The following RAP1GAP2 variants were observed in gnomAD, a reference collection of about 807,000 sequenced individuals.
The protein encoded by RAP1GAP2 is rap1 GTPase-activating protein 2.
Under a neutral mutation model 95.0 loss-of-function variants are expected in RAP1GAP2, and 27 were observed. The observed-to-expected ratio is 0.28, with a 90% confidence interval of 0.21 to 0.39. The LOEUF (loss-of-function observed/expected upper bound fraction) is 0.39, where lower values mean the gene tolerates loss of function less well. Among genes scored for constraint, RAP1GAP2 ranks in the 10% least tolerant of loss-of-function variants. The probability of loss-of-function intolerance (pLI) is 1.00; values close to 1 mark genes in which losing one functional copy is unlikely to be tolerated. For missense variants in RAP1GAP2, 771 were observed against 970.0 expected, an observed-to-expected ratio of 0.79 and a Z score of 2.72; for synonymous variants, 373 against 380.9, an observed-to-expected ratio of 0.98 and a Z score of 0.24.
At chr17:2,932,859 G>T (rs2043200639) in intron 3 of RAP1GAP2, among the ~76,000 whole-genome samples, 1 of 147,754 alleles carries the variant, frequency 6.8e-6, no homozygotes, top group African/African-American at 2.5e-5. Context: ...GGGACCACGG[G>T]CAGGGTATGG....
rs964201106 is a variant in RAP1GAP2 at position 2,995,316 on chromosome 17, C to A, written c.915-21C>A. 3 of 1,611,782 alleles carry A rather than the reference C, an allele frequency of 1.9e-6. No individual in the cohort carries two copies. In the African/African-American group the frequency reaches 4.0e-5, roughly 21 times the overall value. ...GCCTCACTCTCTTTTCTCCCCATCTCCTGCCCTGTTTTGTTGACAGTTTCC... is the reference window on the plus strand; with the variant it reads ...GCCTCACTCTCTTTTCTCCCCATCTACTGCCCTGTTTTGTTGACAGTTTCC... On this transcript the variant is annotated intron_variant, in intron 12 of 24. Transcript: ENST00000254695.
intron 3 of RAP1GAP2, among the ~76,000 whole-genome samples, chr17:2,942,200 C>T (rs938787188): frequency 6.6e-6 from 1 of 152,150 alleles, no homozygotes; most frequent in African/African-American, 2.4e-5. Flanking sequence ...CTCCAGGCCT[C>T]CCTCCCCGAG....
At chr17:2,988,869 G>A (rs1000358648) in intron 11 of RAP1GAP2, among the ~76,000 whole-genome samples, 7 of 152,276 alleles carry the variant, frequency 4.6e-5, no homozygotes, top group Admixed American at 4.6e-4. Flanking sequence ...AGACCATCCT[G>A]GCTAACACGG....
At chr17:2,921,461 C>G (rs183495756) in intron 3 of RAP1GAP2, among the ~76,000 whole-genome samples, 5 of 152,212 alleles carry the variant, frequency 3.3e-5, no homozygotes, top group South Asian at 2.1e-4. Flanking sequence ...CCTCAGCCCC[C>G]CAAAGTCCTG....
chr17:3,018,253 G>C (rs981132767), intron 18 of RAP1GAP2, 55 bp downstream of exon 18: 21 of 1,509,886 alleles, frequency 1.4e-5, no homozygotes, highest in Non-Finnish European at 1.8e-5. Context: ...GCCCCCCCCA[G>C]ACCTATGGAG....
intron 3 of RAP1GAP2, among the ~76,000 whole-genome samples, chr17:2,955,776 G>C (rs1311251526): frequency 4.6e-5 from 7 of 151,934 alleles, no homozygotes; most frequent in Non-Finnish European, 1.0e-4. Context: ...TGTTTTTCAG[G>C]GAATTTGTTC....
intron 2 of RAP1GAP2, among the ~76,000 whole-genome samples, chr17:2,877,036 G>A (rs2073125284): frequency 2.6e-5 from 4 of 151,856 alleles, no homozygotes; most frequent in Non-Finnish European, 2.9e-5. Context: ...CTACAGGCAT[G>A]CGCTGCCACA....
chr17:2,928,798 T>C (rs4790102), intron 3 of RAP1GAP2, among the ~76,000 whole-genome samples: 81,468 of 151,548 alleles, frequency 0.54, 22,813 homozygotes, highest in Non-Finnish European at 0.61. Flanking sequence ...GGTCGTCAGC[T>C]GTTGTGAGGG....
intron 3 of RAP1GAP2, among the ~76,000 whole-genome samples, chr17:2,914,020 A>G (rs9892664): frequency 0.092 from 13,938 of 151,948 alleles, 1,298 homozygotes; most frequent in East Asian, 0.3. Flanking sequence ...ACAGGTGCCC[A>G]CTACCACTCC....
In RAP1GAP2 at chr17:3,005,014, C is replaced by G. The variant is rs2046290007; in HGVS notation, c.1201-355C>G. ...TTTCCTCATCAGGGAGAACAGTTCTCCCTGTGCCTTCTCAGTAGGATTAGC... is the reference window on the plus strand; with the variant it reads ...TTTCCTCATCAGGGAGAACAGTTCTGCCTGTGCCTTCTCAGTAGGATTAGC... On this transcript the variant is annotated intron_variant, in intron 14 of 24. Coordinates refer to ENST00000254695, the MANE Select transcript of RAP1GAP2 (RefSeq NM_015085.5). The surrounding 1 kb of genome is among the most constrained non-coding windows in gnomAD (Gnocchi z 5.2). 6.6e-6 allele frequency among the ~76,000 whole-genome samples: 1 copy of G among 152,068 alleles called. No homozygotes were observed. Among genetic ancestry groups the G allele is most frequent in the African/African-American group, 2.4e-5 (1 of 41,402 alleles).
At chr17:2,942,045 G>T (rs114899340) in intron 3 of RAP1GAP2, among the ~76,000 whole-genome samples, 8 of 152,152 alleles carry the variant, frequency 5.3e-5, no homozygotes, top group South Asian at 4.2e-4. Flanking sequence ...ATGAATGAGA[G>T]TTCCTGTTTT....
intron 2 of RAP1GAP2, among the ~76,000 whole-genome samples, chr17:2,856,665 G>C (rs917859009): frequency 6.6e-6 from 1 of 152,188 alleles, no homozygotes; most frequent in Non-Finnish European, 1.5e-5. Context: ...GAGGCCCAGG[G>C]AAGGACCCGG....
intron 3 of RAP1GAP2, among the ~76,000 whole-genome samples, chr17:2,915,889 G>A (rs369442796): frequency 2.6e-5 from 4 of 151,718 alleles, no homozygotes; most frequent in African/African-American, 7.3e-5. Context: ...TACTAGAAAC[G>A]GGGTTTCACC....
At chr17:3,000,473 A>G (rs2046117551) in intron 14 of RAP1GAP2, among the ~76,000 whole-genome samples, 1 of 105,022 alleles carries the variant, frequency 9.5e-6, no homozygotes, top group African/African-American at 3.9e-5. Context: ...TCCAAGCACC[A>G]GGCTGAAGTG....
At chr17:2,981,469 C>A (rs2045354332) in intron 10 of RAP1GAP2, among the ~76,000 whole-genome samples, 1 of 152,176 alleles carries the variant, frequency 6.6e-6, no homozygotes, top group African/African-American at 2.4e-5. Flanking sequence ...GAATTGGTCC[C>A]CAGGCTGCTG....
intron 19 of RAP1GAP2, among the ~76,000 whole-genome samples, chr17:3,023,620 A>T (rs902110109): frequency 1.3e-5 from 2 of 152,172 alleles, no homozygotes; most frequent in African/African-American, 4.8e-5. Flanking sequence ...ACAGGTTTTT[A>T]AAAATTTTTA....
At chr17:2,987,839 T>C (rs1476896858) in intron 11 of RAP1GAP2, among the ~76,000 whole-genome samples, 2 of 152,238 alleles carry the variant, frequency 1.3e-5, no homozygotes, top group Non-Finnish European at 2.9e-5. Flanking sequence ...TTTGTTGTTA[T>C]TGTTACAATT....
At chr17:2,931,681 C>T (rs563182348) in intron 3 of RAP1GAP2, among the ~76,000 whole-genome samples, 6 of 152,290 alleles carry the variant, frequency 3.9e-5, no homozygotes, top group Non-Finnish European at 5.9e-5. Flanking sequence ...TAGAATCACT[C>T]GGGACCGAAG....
chr17:2,804,568 C>T (rs2069434577), intron 2 of RAP1GAP2, among the ~76,000 whole-genome samples: 1 of 152,156 alleles, frequency 6.6e-6, no homozygotes, highest in African/African-American at 2.4e-5. Flanking sequence ...ATATAGAATC[C>T]GTGGCCGCAG....
Sources: gnomAD v4.1 joint callset for allele counts (sites outside exome capture counted in the v4.1 genomes callset) on GRCh38, gnomAD v4.1.1 for gene constraint, Gnocchi (gnomAD v3.1) non-coding constraint, MANE v1.5 for transcripts, NCBI Gene and HGNC (gene_info 2026-07-23, HGNC 2026-07-21) for gene names.